XIRP2: variants seen among roughly 807,000 people sequenced by gnomAD.
XIRP2 encodes xin actin-binding repeat-containing protein 2.
In XIRP2, 236 loss-of-function variants were observed where a neutral mutation model predicts 277.0. That is an observed-to-expected ratio of 0.85 (90% CI 0.77 to 0.95). The LOEUF is 0.95. Among genes scored for constraint, XIRP2 ranks in the 40% least tolerant of loss-of-function variants. The pLI is 0.00. For synonymous variants in XIRP2, 1,490 were observed against 1,416.5 expected (o/e 1.05, Z -1.17); for missense variants, 4,640 against 4,157.5 (o/e 1.12, Z -3.19).
chr2:167,201,238 GAAAGAAAGAAAGAAAGAAAGAA>G (rs1559018280), intron 3 of XIRP2, among the ~76,000 whole-genome samples: 139 of 99,126 alleles, frequency 1.4e-3, no homozygotes, highest in African/African-American at 8.4e-3. Flanking sequence ...AAGAAAGAAA[GAAAGAAAGAAAGAAAGAAAGAA>G]AGAGAGAGGG....
chr2:166,911,011 C>T (rs1454488333), intron 2 of XIRP2, among the ~76,000 whole-genome samples: 7 of 152,132 alleles, frequency 4.6e-5, no homozygotes, highest in African/African-American at 1.4e-4. Flanking sequence ...TTTACATTTG[C>T]TGAGGAGTGC....
rs766967786 is a variant in XIRP2 at position 167,251,594 on chromosome 2, T to TTCC, written c.10204_10206dup (p.Pro3402dup). On this transcript the variant is annotated inframe_insertion, in exon 9 of 11. Transcript: ENST00000409195. ...CATCCTAGAGAACTGCGAGAAAAGA[T>TTCC]TCCTGTTAAGCAGCCCAGGATCTGC... The TTCC allele has an allele frequency of 1.9e-6, 3 of 1,613,578 alleles. No homozygotes were observed. The South Asian group carries it at 3.3e-5, about 18-fold the overall frequency.
At chr2:167,059,486 AAAAT>A (rs1391159329) in intron 2 of XIRP2, among the ~76,000 whole-genome samples, 1 of 150,332 alleles carries the variant, frequency 6.7e-6, no homozygotes, top group Non-Finnish European at 1.5e-5. Flanking sequence ...AAAATAAAAT[AAAAT>A]AAAACCTGTT....
chr2:167,208,681 T>G (rs1559021323), intron 3 of XIRP2, among the ~76,000 whole-genome samples: 1 of 152,092 alleles, frequency 6.6e-6, no homozygotes, highest in African/African-American at 2.4e-5. Flanking sequence ...ACAAATAATA[T>G]TGGGCATTTT....
chr2:167,038,698 A>G (rs1688580869), intron 2 of XIRP2, among the ~76,000 whole-genome samples: 1 of 151,982 alleles, frequency 6.6e-6, no homozygotes, highest in Non-Finnish European at 1.5e-5. Context: ...CCATATTTAT[A>G]CTAATGTCCT....
chr2:167,243,298 A>G lies in XIRP2; in HGVS notation c.1906A>G (p.Thr636Ala), dbSNP rs1285688401. 4 of 1,613,716 alleles carry G rather than the reference A, an allele frequency of 2.5e-6. No individual in the cohort carries two copies. The highest frequency in any genetic ancestry group is 1.3e-5 in the African/African-American group (1 of 75,034). ...CACACTTGGGGCTTATTCTTCTGACACTGTAGAAAATGCAGAGAAAATTCC... is the reference window on the plus strand; with the variant it reads ...CACACTTGGGGCTTATTCTTCTGACGCTGTAGAAAATGCAGAGAAAATTCC... The part of the protein sequence containing the change: ...IDTLGAYSSD[T>A]VENAEKIPEL... The change falls in exon 9 of 11, where the codon ACT (threonine) becomes GCT (alanine). Residue 636 changes from threonine (T) to alanine (A), a missense_variant. Thr to Ala is a moderately conservative substitution (Grantham distance 58). Coordinates refer to ENST00000409195, the MANE Select transcript of XIRP2 (RefSeq NM_152381.6).
intron 2 of XIRP2, among the ~76,000 whole-genome samples, chr2:167,116,675 TTA>T (rs1690904821): frequency 6.6e-6 from 1 of 152,228 alleles, no homozygotes; most frequent in Non-Finnish European, 1.5e-5. Context: ...TTGTTATTTT[TTA>T]TGTTTGTTCT....
chr2:167,110,546 AC>A (rs1354759327), intron 2 of XIRP2, among the ~76,000 whole-genome samples: 3 of 152,072 alleles, frequency 2.0e-5, no homozygotes, highest in Non-Finnish European at 4.4e-5. Context: ...CTGTTTTTGT[AC>A]CAGTAGCATG....
chr2:166,910,418 C>A (rs1684667273), intron 2 of XIRP2, among the ~76,000 whole-genome samples: 1 of 152,118 alleles, frequency 6.6e-6, no homozygotes, highest in African/African-American at 2.4e-5. Context: ...TTATAGTATT[C>A]TCTGATGGTA....
intron 3 of XIRP2, among the ~76,000 whole-genome samples, chr2:167,162,270 A>T (rs183449879): frequency 6.6e-6 from 1 of 152,218 alleles, no homozygotes; most frequent in East Asian, 1.9e-4. Context: ...ACTTTCAGGT[A>T]TCTACAGCAG....
chr2:167,154,477 C>G (rs958508401), intron 3 of XIRP2, among the ~76,000 whole-genome samples: 1 of 150,704 alleles, frequency 6.6e-6, no homozygotes, highest in Non-Finnish European at 1.5e-5. Flanking sequence ...ACATGAAGTC[C>G]TTGCCCATGC....
intron 2 of XIRP2, among the ~76,000 whole-genome samples, chr2:167,090,088 T>C (rs1276733344): frequency 2.6e-5 from 4 of 152,150 alleles, no homozygotes; most frequent in East Asian, 1.9e-4. Context: ...TATTTCTTAT[T>C]GCTGTAATTA....
At chr2:167,112,156 T>C (rs993930923) in intron 2 of XIRP2, among the ~76,000 whole-genome samples, 1 of 152,154 alleles carries the variant, frequency 6.6e-6, no homozygotes, top group African/African-American at 2.4e-5. Flanking sequence ...TGTGTCTCAG[T>C]TTCATTCATT....
chr2:167,179,668 T>A (rs1458026896), intron 3 of XIRP2, among the ~76,000 whole-genome samples: 1 of 150,428 alleles, frequency 6.6e-6, no homozygotes, highest in Non-Finnish European at 1.5e-5. Flanking sequence ...TGAGACAGGG[T>A]CTTGCTCTGT....
intron 3 of XIRP2, among the ~76,000 whole-genome samples, chr2:167,158,603 C>T (rs1291325948): frequency 6.6e-6 from 1 of 152,148 alleles, no homozygotes; most frequent in East Asian, 1.9e-4. Context: ...GTATATAAAG[C>T]ATTTTTACAA....
rs376167306 is a variant in XIRP2, at chr2:167,073,009, T to C, written c.409-62900T>C. ...AAGTAAAATTTTGAAACAACTATGA[T>C]ACAACCATGATAGGTTTAGTGAGCT... On this transcript the variant is annotated intron_variant, in intron 2 of 10. Coordinates refer to ENST00000409195, the MANE Select transcript of XIRP2 (RefSeq NM_152381.6). Among the ~76,000 whole-genome samples the C allele has an allele frequency of 8.9e-4, 135 of 152,304 alleles. 1 individual carries two copies. The highest frequency in any genetic ancestry group is 3.2e-3 in the African/African-American group (134 of 41,582).
In XIRP2 at chr2:167,259,287, G is replaced by C. The variant is rs75758327; in HGVS notation, c.*1470G>C. On this transcript the variant is annotated 3_prime_UTR_variant, in exon 11 of 11. Coordinates refer to ENST00000409195, the MANE Select transcript of XIRP2 (RefSeq NM_152381.6). ...TGTACAGCTAAGCCTTTGTTTCCCA[G>C]AGTGGAGGTGCAGTCAGAACAACTC... is the stretch of plus-strand genomic sequence containing the variant. 124,602 of 1,613,110 alleles carry C rather than the reference G, an allele frequency of 0.077. 5,524 individuals are homozygous for C. Among genetic ancestry groups the C allele is most frequent in the African/African-American group, 0.18 (13,289 of 74,882 alleles).
At chr2:167,075,661 T>G (rs1314221940) in intron 2 of XIRP2, among the ~76,000 whole-genome samples, 1 of 152,138 alleles carries the variant, frequency 6.6e-6, no homozygotes, top group Non-Finnish European at 1.5e-5. Flanking sequence ...ATACTTGTCT[T>G]TTTTAGTTTC....
chr2:167,243,515 A>T lies in XIRP2; in HGVS notation c.2123A>T (p.His708Leu). The T allele has an allele frequency of 6.2e-7, 1 of 1,614,092 alleles. No homozygotes were observed. Among genetic ancestry groups the T allele is most frequent in the South Asian group, 1.1e-5 (1 of 91,080 alleles). The change falls in exon 9 of 11, where the codon CAT becomes CTT. Residue 708 changes from histidine to leucine, a missense_variant. Coordinates refer to ENST00000409195, the MANE Select transcript of XIRP2 (RefSeq NM_152381.6). The part of the protein sequence containing the change: ...TQHLDQLGQL[H>L]SVDEVHLLQL... ...CATCTAGATCAACTTGGACAGCTTCATTCAGTGGATGAGGTTCATTTACTG... is the reference window on the plus strand; with the variant it reads ...CATCTAGATCAACTTGGACAGCTTCTTTCAGTGGATGAGGTTCATTTACTG...
Sources: gnomAD v4.1 joint callset for allele counts (sites outside exome capture counted in the v4.1 genomes callset) on GRCh38, gnomAD v4.1.1 for gene constraint, MANE v1.5 for transcripts, NCBI Gene and HGNC (gene_info 2026-07-23, HGNC 2026-07-21) for gene names.